The following FER variants were observed in gnomAD, a reference collection of about 807,000 sequenced individuals.
FER encodes tyrosine-protein kinase Fer.
A neutral mutation model predicts 111.0 loss-of-function variants in FER; 63 were observed. The observed-to-expected ratio is 0.57, with a 90% CI of 0.46 to 0.70. The LOEUF (loss-of-function observed/expected upper bound fraction) is 0.70, where lower values mean the gene tolerates loss of function less well. Ranked by LOEUF, FER falls within the 30% of genes least tolerant of loss-of-function variation. The pLI is 0.00. For synonymous variants in FER, 327 were observed against 313.9 expected, an observed-to-expected ratio of 1.04 and a Z score of -0.44; for missense variants, 914 against 954.0, an observed-to-expected ratio of 0.96 and a Z score of 0.55.
chr5:108,844,996 GTATATATATATATATATATA>G (rs1178206742), intron 5 of FER, among the ~76,000 whole-genome samples: 26 of 29,288 alleles, frequency 8.9e-4, no homozygotes, highest in East Asian at 5.1e-3. Flanking sequence ...GTGTGTGTGT[GTATATATATATATATATATA>G]TATATATATA....
chr5:108,923,523 A>G (rs72793906), intron 10 of FER, among the ~76,000 whole-genome samples: 18,809 of 152,080 alleles, frequency 0.12, 1,212 homozygotes, highest in Middle Eastern at 0.16. Context: ...TCCCTTAGAA[A>G]GAATGTTCTG....
At chr5:108,827,884 A>C (rs1442163263) in intron 3 of FER, among the ~76,000 whole-genome samples, 2 of 134,072 alleles carry the variant, frequency 1.5e-5, no homozygotes, top group Non-Finnish European at 3.1e-5. Context: ...GCTGGAGTGT[A>C]GTGGCAAAGT....
At chr5:109,043,903 G>C (rs567689274) in intron 14 of FER, among the ~76,000 whole-genome samples, 1 of 151,862 alleles carries the variant, frequency 6.6e-6, no homozygotes. Flanking sequence ...CCTGGGAGGC[G>C]GAGGTTGCAG....
intron 16 of FER, among the ~76,000 whole-genome samples, chr5:109,065,092 T>C (rs1485298039): frequency 6.6e-6 from 1 of 152,186 alleles, no homozygotes; most frequent in East Asian, 1.9e-4. Context: ...GTAAAATGGC[T>C]TGTTTTTACA....
intron 13 of FER, among the ~76,000 whole-genome samples, chr5:108,976,255 C>A (rs1761322664): frequency 6.6e-6 from 1 of 152,184 alleles, no homozygotes; most frequent in South Asian, 2.1e-4. Flanking sequence ...GCTGATAACT[C>A]ATCTACTTCT....
chr5:108,808,800 G>A (rs1032212218), intron 3 of FER, among the ~76,000 whole-genome samples: 14 of 152,118 alleles, frequency 9.2e-5, no homozygotes, highest in Admixed American at 2.6e-4. Flanking sequence ...AATTCTGTTA[G>A]CACTTGCTTG....
At chr5:108,859,612 C>G (rs561649007) in intron 5 of FER, among the ~76,000 whole-genome samples, 114 of 152,262 alleles carry the variant, frequency 7.5e-4, no homozygotes, top group African/African-American at 2.6e-3. Flanking sequence ...CTACCCAGAA[C>G]TCCCTCATTC....
At chr5:109,114,070 T>C (rs1372223921) in intron 17 of FER, among the ~76,000 whole-genome samples, 1 of 152,130 alleles carries the variant, frequency 6.6e-6, no homozygotes, top group Non-Finnish European at 1.5e-5. Context: ...ATTCTTAGAA[T>C]TGAAAGTCTG....
chr5:109,038,512 T>C (rs1348230396), intron 14 of FER, among the ~76,000 whole-genome samples: 1 of 151,996 alleles, frequency 6.6e-6, no homozygotes, highest in Non-Finnish European at 1.5e-5. Context: ...AGGATTCTTA[T>C]CATTTATGAT....
intron 13 of FER, among the ~76,000 whole-genome samples, chr5:109,002,586 G>C (rs188136121): frequency 0.18 from 28,004 of 151,820 alleles, 2,773 homozygotes; most frequent in Non-Finnish European, 0.22. Context: ...GTCTAGAACA[G>C]CAAAAGCAAT....
intron 8 of FER, among the ~76,000 whole-genome samples, chr5:108,882,808 A>G (rs1200281650): frequency 6.6e-6 from 1 of 151,854 alleles, no homozygotes; most frequent in Non-Finnish European, 1.5e-5. Flanking sequence ...AATGCATTTT[A>G]TACAAACATA....
intron 17 of FER, among the ~76,000 whole-genome samples, chr5:109,144,327 G>A (rs933301186): frequency 1.3e-5 from 2 of 152,006 alleles, no homozygotes; most frequent in African/African-American, 4.8e-5. Flanking sequence ...GTACCAACTG[G>A]GAGTCAGTGA....
chr5:108,990,094 C>G (rs1226942689), intron 13 of FER, among the ~76,000 whole-genome samples: 1 of 151,752 alleles, frequency 6.6e-6, no homozygotes, highest in African/African-American at 2.4e-5. Flanking sequence ...TTTTTTCTGT[C>G]ACAGTCATAT....
At chr5:108,953,789 A>G (rs1344571517) in intron 11 of FER, among the ~76,000 whole-genome samples, 4 of 152,078 alleles carry the variant, frequency 2.6e-5, no homozygotes, top group African/African-American at 4.8e-5. Context: ...GGCATTGTGC[A>G]TATTGTATTT....
chr5:109,078,901 G>C (rs1776672247), intron 16 of FER, among the ~76,000 whole-genome samples: 1 of 152,026 alleles, frequency 6.6e-6, no homozygotes, highest in Non-Finnish European at 1.5e-5. Context: ...TAGCTTACCA[G>C]GTAAATCTTT....
At position 108,878,097 on chromosome 5, in the gene FER, G is replaced by A. The variant is rs186826772; in HGVS notation, c.924-5299G>A. Among the ~76,000 whole-genome samples the A allele has an allele frequency of 3.4e-3, 521 of 152,018 alleles. 3 individuals carry two copies. The highest frequency in any genetic ancestry group is 0.011 in the African/African-American group (475 of 41,464). On this transcript the variant is annotated intron_variant, in intron 8 of 19. Coordinates refer to ENST00000281092, the MANE Select transcript of FER (RefSeq NM_005246.4). Reference sequence around the variant, plus strand: ...ATTTTTTGTATTTTTATTAGAGATGGGGTTTCACCATGTTGGCCAGGCTGG... The same window carrying A: ...ATTTTTTGTATTTTTATTAGAGATGAGGTTTCACCATGTTGGCCAGGCTGG...
At chr5:109,056,831 A>G (rs1216840853) in intron 16 of FER, among the ~76,000 whole-genome samples, 2 of 152,192 alleles carry the variant, frequency 1.3e-5, no homozygotes, top group Non-Finnish European at 1.5e-5. Flanking sequence ...TACCTTTAAT[A>G]TACACAATAA....
chr5:108,865,616 G>A (rs1234453257), intron 5 of FER, among the ~76,000 whole-genome samples: 5 of 152,130 alleles, frequency 3.3e-5, no homozygotes, highest in African/African-American at 1.2e-4. Flanking sequence ...CTTCTGCACA[G>A]CAAAAGAAAC....
chr5:109,080,320 T>C (rs62375528), intron 16 of FER, among the ~76,000 whole-genome samples: 3,875 of 152,196 alleles, frequency 0.025, 82 homozygotes, highest in Non-Finnish European at 0.035. Context: ...TACTAGTCTG[T>C]GCTTTCTGGG....
Sources: allele counts gnomAD v4.1 joint callset (sites outside exome capture counted in the v4.1 genomes callset), GRCh38; gene constraint gnomAD v4.1.1; transcripts MANE v1.5; gene names NCBI Gene and HGNC (gene_info 2026-07-23, HGNC 2026-07-21).